Variants in GALNT13 observed in about 807,000 individuals in gnomAD.
GALNT13 encodes UDP-GalNAc:polypeptide N-acetylgalactosaminyltransferase 13.
Under a neutral mutation model 64.2 loss-of-function variants are expected in GALNT13, and 28 were observed. The observed-to-expected ratio is 0.44, with a 90% CI of 0.32 to 0.60. GALNT13 has a LOEUF of 0.60. Among genes scored for constraint, GALNT13 ranks in the 20% least tolerant of loss-of-function variants. The pLI is 0.05. For missense variants in GALNT13, 577 were observed against 669.8 expected, an observed-to-expected ratio of 0.86 and a Z score of 1.53; for synonymous variants, 214 against 224.6, an observed-to-expected ratio of 0.95 and a Z score of 0.42.
At chr2:153,377,986 C>T in the GALNT13 span, among the ~76,000 whole-genome samples, 1 of 152,010 alleles carries the variant, frequency 6.6e-6, no homozygotes, top group Non-Finnish European at 1.5e-5. Flanking sequence ...ATTAATATAA[C>T]TTTTGCAAGT....
intron 3 of GALNT13, among the ~76,000 whole-genome samples, chr2:154,007,108 C>T (rs1049617049): frequency 2.0e-5 from 3 of 152,190 alleles, no homozygotes; most frequent in African/African-American, 7.2e-5. Context: ...GTGACTGAGA[C>T]ATTGCTTGTG....
intron 9 of GALNT13, among the ~76,000 whole-genome samples, chr2:154,379,025 A>G (rs1267943151): frequency 1.3e-5 from 2 of 152,120 alleles, no homozygotes; most frequent in Admixed American, 6.6e-5. Context: ...AAATGAAACC[A>G]TAATAACGGC....
chr2:153,520,034 T>TG, the GALNT13 span, among the ~76,000 whole-genome samples: 3 of 152,182 alleles, frequency 2.0e-5, no homozygotes, highest in Non-Finnish European at 2.9e-5. Flanking sequence ...CCTGTAGGGC[T>TG]GGCAGCAAAG....
At chr2:153,793,593 C>T in the GALNT13 span, among the ~76,000 whole-genome samples, 1 of 151,444 alleles carries the variant, frequency 6.6e-6, no homozygotes. Flanking sequence ...GAACTGAAAC[C>T]TAATATTTTC....
chr2:154,068,402 T>C (rs1037507651), intron 3 of GALNT13, among the ~76,000 whole-genome samples: 1 of 151,878 alleles, frequency 6.6e-6, no homozygotes, highest in African/African-American at 2.4e-5. Flanking sequence ...GTCTAAGATA[T>C]AGACATACTC....
chr2:153,552,133 C>G, the GALNT13 span, among the ~76,000 whole-genome samples: 1 of 152,126 alleles, frequency 6.6e-6, no homozygotes, highest in African/African-American at 2.4e-5. Context: ...GATTTAGCAA[C>G]ATGCAGACTA....
At chr2:153,523,369 A>AT in the GALNT13 span, among the ~76,000 whole-genome samples, 1 of 152,170 alleles carries the variant, frequency 6.6e-6, no homozygotes, top group South Asian at 2.1e-4. Flanking sequence ...ACTTGCTGGA[A>AT]TTTTGACTGG....
At chr2:153,358,210 G>C in the GALNT13 span, among the ~76,000 whole-genome samples, 1 of 152,170 alleles carries the variant, frequency 6.6e-6, no homozygotes, top group East Asian at 1.9e-4. Context: ...CATGCACTAT[G>C]ATGAGATGTT....
At chr2:153,401,100 T>C in the GALNT13 span, among the ~76,000 whole-genome samples, 6 of 152,120 alleles carry the variant, frequency 3.9e-5, no homozygotes, top group African/African-American at 9.7e-5. Context: ...GCTTTGAATG[T>C]GTCCCAGAGA....
At chr2:154,318,501 G>A (rs190214004) in intron 9 of GALNT13, among the ~76,000 whole-genome samples, 5 of 152,220 alleles carry the variant, frequency 3.3e-5, no homozygotes, top group Admixed American at 1.3e-4. Context: ...TGAGGCAAGT[G>A]CATCACCTGA....
the GALNT13 span, among the ~76,000 whole-genome samples, chr2:153,153,345 T>C: frequency 6.6e-6 from 1 of 152,114 alleles, no homozygotes; most frequent in Non-Finnish European, 1.5e-5. Context: ...TCCCATTTTA[T>C]AGGTTGTTTT....
In GALNT13 at chr2:154,422,599, T is replaced by C. The variant is rs778755824; in HGVS notation, c.1395+13517T>C. 9.2e-5 allele frequency among the ~76,000 whole-genome samples: 14 copies of C among 152,208 alleles called. 1 individual carries two copies. Among genetic ancestry groups the C allele is most frequent in the Non-Finnish European group, 1.3e-4 (9 of 68,028 alleles). On this transcript the variant is annotated intron_variant, in intron 11 of 12. Coordinates refer to ENST00000392825, the MANE Select transcript of GALNT13 (RefSeq NM_052917.4). ...TACTCCAGCTCTCTAGTTCTAACTCTCTAAAAAGGTTTGGAATATTCATTT... is the reference window on the plus strand; with the variant it reads ...TACTCCAGCTCTCTAGTTCTAACTCCCTAAAAAGGTTTGGAATATTCATTT...
chr2:154,310,978 A>ATAGAATATTCTAAGAATATATATATTCT (rs754046355), intron 9 of GALNT13, among the ~76,000 whole-genome samples: 30 of 151,372 alleles, frequency 2.0e-4, no homozygotes, highest in African/African-American at 7.1e-4. Flanking sequence ...ATATATATTC[A>ATAGAATATTCTAAGAATATATATATTCT]TAGAATATTC....
chr2:153,835,363 C>T, the GALNT13 span, among the ~76,000 whole-genome samples: 320 of 152,104 alleles, frequency 2.1e-3, 1 homozygote, highest in African/African-American at 7.6e-3. Context: ...CAACAATGTA[C>T]TTTCTTATTA....
intron 3 of GALNT13, among the ~76,000 whole-genome samples, chr2:153,989,717 A>G (rs911218804): frequency 6.6e-6 from 1 of 152,116 alleles, no homozygotes; most frequent in Non-Finnish European, 1.5e-5. Context: ...AAAATACTAC[A>G]GCAGTCAAAT....
At chr2:154,051,206 A>G (rs1039853554) in intron 3 of GALNT13, among the ~76,000 whole-genome samples, 3 of 152,098 alleles carry the variant, frequency 2.0e-5, no homozygotes, top group Non-Finnish European at 4.4e-5. Context: ...GTAGAGTATA[A>G]CTTGTTAAAT....
At chr2:153,870,101 C>A (rs566630722), upstream of GALNT13, among the ~76,000 whole-genome samples, 7 of 151,814 alleles carry the variant, frequency 4.6e-5, no homozygotes, top group South Asian at 1.5e-3. Context: ...CTAGCCAGGG[C>A]AGAAACCAAC....
the GALNT13 span, among the ~76,000 whole-genome samples, chr2:153,135,980 G>A: frequency 6.6e-6 from 1 of 152,096 alleles, no homozygotes; most frequent in Non-Finnish European, 1.5e-5. Context: ...TCAGTATGAT[G>A]CAGGAATGGT....
chr2:153,099,047 A>G, the GALNT13 span, among the ~76,000 whole-genome samples: 1 of 152,202 alleles, frequency 6.6e-6, no homozygotes, highest in Non-Finnish European at 1.5e-5. Flanking sequence ...CTTGAGGCAG[A>G]GGTTGCAGTG....
Sources: allele counts gnomAD v4.1 joint callset (sites outside exome capture counted in the v4.1 genomes callset), GRCh38; gene constraint gnomAD v4.1.1; transcripts MANE v1.5; gene names NCBI Gene and HGNC (gene_info 2026-07-23, HGNC 2026-07-21).